BICD1: variants seen among roughly 807,000 people sequenced by gnomAD.
BICD1 encodes protein bicaudal D homolog 1.
In BICD1, 35 loss-of-function variants were observed where a neutral mutation model predicts 92.5. The observed-to-expected ratio is 0.38, with a 90% CI of 0.29 to 0.50. The LOEUF (loss-of-function observed/expected upper bound fraction) is 0.50. Ranked by LOEUF, BICD1 falls within the 20% of genes least tolerant of loss-of-function variation. BICD1 has a pLI of 0.93. For missense variants in BICD1, 950 were observed against 1,189.8 expected, an observed-to-expected ratio of 0.80 and a Z score of 2.97; for synonymous variants, 429 against 465.1, an observed-to-expected ratio of 0.92 and a Z score of 1.00.
chr12:32,143,256 C>A (rs767689277), intron 1 of BICD1, among the ~76,000 whole-genome samples: 1 of 152,122 alleles, frequency 6.6e-6, no homozygotes, highest in Non-Finnish European at 1.5e-5. Context: ...TCATAAGCAC[C>A]GCACAATCTC....
At chr12:32,372,315 A>G (rs889649653) in intron 9 of BICD1, among the ~76,000 whole-genome samples, 1 of 152,096 alleles carries the variant, frequency 6.6e-6, no homozygotes, top group African/African-American at 2.4e-5. Context: ...CGGCATCTCT[A>G]CTAAAAATAC....
chr12:32,208,833 C>CTT (rs139701489), intron 1 of BICD1, among the ~76,000 whole-genome samples: 1 of 150,720 alleles, frequency 6.6e-6, no homozygotes, highest in African/African-American at 2.4e-5. Context: ...TTATTTTTTT[C>CTT]TTTTTTTTTG....
chr12:32,229,946 A>T (rs530177653), intron 2 of BICD1, among the ~76,000 whole-genome samples: 1 of 152,186 alleles, frequency 6.6e-6, no homozygotes, highest in South Asian at 2.1e-4. Flanking sequence ...CTAGTACAAA[A>T]ATGGAGGGAT....
chr12:32,120,040 C>T (rs1044253678), intron 1 of BICD1, among the ~76,000 whole-genome samples: 6 of 152,132 alleles, frequency 3.9e-5, no homozygotes, highest in Admixed American at 6.5e-5. Flanking sequence ...TATATGTTAA[C>T]TTTGAGTGCA....
At chr12:32,191,107 A>G (rs1195005797) in intron 1 of BICD1, among the ~76,000 whole-genome samples, 3 of 152,214 alleles carry the variant, frequency 2.0e-5, no homozygotes, top group Non-Finnish European at 4.4e-5. Context: ...AGGGAAGTTT[A>G]GAGGGATAAA....
At chr12:32,251,810 C>T (rs1294185678) in intron 2 of BICD1, among the ~76,000 whole-genome samples, 5 of 150,590 alleles carry the variant, frequency 3.3e-5, no homozygotes, top group African/African-American at 1.2e-4. Context: ...GGTGTAGTTT[C>T]CAGGTAAAGC....
In BICD1 at chr12:32,244,876, C is replaced by G. The variant is rs146376465; in HGVS notation, c.426+28417C>G. On this transcript the variant is annotated intron_variant, in intron 2 of 9. Transcript: ENST00000652176. ...TTTCTTAATCTCGTGATCTGCCTGC[C>G]TTGGCCTCCCAAAGTGCTGGGATTA... is the stretch of plus-strand genomic sequence containing the variant. 3.5e-3 allele frequency among the ~76,000 whole-genome samples: 528 copies of G among 152,278 alleles called. 2 individuals are homozygous for G. Among genetic ancestry groups the G allele is most frequent in the Non-Finnish European group, 5.5e-3 (374 of 68,022 alleles).
chr12:32,164,378 A>G (rs1183954181), intron 1 of BICD1, among the ~76,000 whole-genome samples: 1 of 152,246 alleles, frequency 6.6e-6, no homozygotes, highest in Non-Finnish European at 1.5e-5. Context: ...CTTAAAAATC[A>G]GTTCTTTCCA....
In BICD1 at chr12:32,379,513, T is replaced by C. The variant is rs1424944882; in HGVS notation, c.*1886T>C. 6.6e-6 allele frequency: 1 copy of C among 152,254 alleles called. No homozygotes were observed. The highest frequency in any genetic ancestry group is 2.4e-5 in the African/African-American group (1 of 41,468). The allele number at this position is 152,254 out of a possible 1,614,324, so 9.4% of individuals were successfully genotyped here. A position where few individuals can be genotyped will look rare whatever the true frequency, so the allele number is the denominator to read the frequency against. On this transcript the variant is annotated 3_prime_UTR_variant, in exon 10 of 10. Transcript: ENST00000652176. Reference sequence around the variant, plus strand: ...TCCCAACCATAGCAGCCTAACCTTCTGCTCTTTTCTACCTGCATGGCCTTG... The same window carrying C: ...TCCCAACCATAGCAGCCTAACCTTCCGCTCTTTTCTACCTGCATGGCCTTG...
intron 2 of BICD1, among the ~76,000 whole-genome samples, chr12:32,289,808 T>C (rs1204837123): frequency 6.6e-6 from 1 of 152,272 alleles, no homozygotes; most frequent in East Asian, 1.9e-4. Flanking sequence ...CTTAAAATAA[T>C]CTCCTGTAGA....
chr12:32,213,117 C>G (rs931795893), intron 1 of BICD1, among the ~76,000 whole-genome samples: 1 of 152,090 alleles, frequency 6.6e-6, no homozygotes, highest in Non-Finnish European at 1.5e-5. Flanking sequence ...TTCAGTTTGC[C>G]GATTGTCCTA....
intron 5 of BICD1, among the ~76,000 whole-genome samples, chr12:32,331,476 G>A (rs1937869039): frequency 1.3e-5 from 2 of 152,158 alleles, no homozygotes; most frequent in Non-Finnish European, 2.9e-5. Flanking sequence ...GACAAGAAAT[G>A]TTTCAGATTT....
At chr12:32,319,925 C>T (rs1030027702) in intron 4 of BICD1, among the ~76,000 whole-genome samples, 2 of 152,110 alleles carry the variant, frequency 1.3e-5, no homozygotes, top group South Asian at 2.1e-4. Flanking sequence ...TTTTAGTCTT[C>T]GTCCAGTTGA....
chr12:32,189,588 A>G (rs908067170), intron 1 of BICD1, among the ~76,000 whole-genome samples: 2 of 152,232 alleles, frequency 1.3e-5, no homozygotes, highest in African/African-American at 4.8e-5. Flanking sequence ...CAAAAGTATT[A>G]AAAATCACTA....
intron 8 of BICD1, among the ~76,000 whole-genome samples, chr12:32,358,152 A>C (rs1939188650): frequency 6.6e-6 from 1 of 152,024 alleles, no homozygotes; most frequent in African/African-American, 2.4e-5. Context: ...CTCAGGCTGG[A>C]GTGCAGTGGT....
At position 32,325,857 on chromosome 12, in the gene BICD1, C is replaced by T. The variant is rs1013826539; in HGVS notation, c.1006-1604C>T. ...GTAATCTTTGGGAGGCCGAGGTGGG[C>T]GGATCACGAGGTCAGGAGATCGAGA... is the stretch of plus-strand genomic sequence containing the variant. On this transcript the variant is annotated intron_variant, in intron 4 of 9. Transcript: ENST00000652176. 1.3e-4 allele frequency among the ~76,000 whole-genome samples: 20 copies of T among 151,814 alleles called. 1 individual carries two copies. In the South Asian group the frequency reaches 1.9e-3, roughly 14 times the overall value.
In BICD1 at chr12:32,230,294, G is replaced by C. The variant is rs1182215813; in HGVS notation, c.426+13835G>C. 3.3e-5 allele frequency among the ~76,000 whole-genome samples: 5 copies of C among 152,108 alleles called. No homozygotes were observed. In the East Asian group the frequency reaches 7.7e-4, roughly 23 times the overall value. On this transcript the variant is annotated intron_variant, in intron 2 of 9. Transcript: ENST00000652176. The stretch of plus-strand genomic sequence containing the variant: ...TCCTGCCTGTAATCCTAGCACCTTA[G>C]GAGGCTGAGATGGAAGGATTGCTTG...
chr12:32,253,033 C>A (rs565211553), intron 2 of BICD1, among the ~76,000 whole-genome samples: 57 of 152,088 alleles, frequency 3.7e-4, no homozygotes, highest in African/African-American at 1.3e-3. Flanking sequence ...CAGGTGCACA[C>A]CACCGCACCC....
intron 1 of BICD1, chr12:32,108,343 T>C (rs1157256657): frequency 4.2e-6 from 1 of 237,598 alleles, no homozygotes; most frequent in Non-Finnish European, 8.2e-6. Context: ...TAATGTCTCT[T>C]TAGTTTTTTG....
Sources: gnomAD v4.1 joint callset for allele counts (sites outside exome capture counted in the v4.1 genomes callset) on GRCh38, gnomAD v4.1.1 for gene constraint, MANE v1.5 for transcripts, NCBI Gene and HGNC (gene_info 2026-07-23, HGNC 2026-07-21) for gene names.